The following XPO5 variants were observed in gnomAD, a reference collection of about 807,000 sequenced individuals.
XPO5 encodes the protein exportin 5, also known as exportin-5.
A neutral mutation model predicts 160.6 loss-of-function variants in XPO5; 46 were observed. The ratio of observed to expected loss-of-function variants is 0.29; its 90% CI spans 0.23 to 0.37. XPO5 has a LOEUF of 0.37. Among genes scored for constraint, XPO5 ranks in the 10% least tolerant of loss-of-function variants. The pLI is 1.00. For missense variants in XPO5, 1,090 were observed against 1,463.9 expected (o/e 0.74, Z 4.17); for synonymous variants, 537 against 519.3 (o/e 1.03, Z -0.46).
intron 27 of XPO5, 67 bp downstream of exon 27, chr6:43,526,618 C>T (rs376640716): frequency 8.9e-6 from 14 of 1,580,244 alleles, no homozygotes; most frequent in Non-Finnish European, 2.6e-6. Context: ...GGAAACTGAC[C>T]TGGTTCAGAA....
chr6:43,551,240 A>C (rs1795214510), intron 15 of XPO5, 58 bp downstream of exon 15: 2 of 1,483,610 alleles, frequency 1.3e-6, no homozygotes, highest in Non-Finnish European at 1.8e-6. Context: ...AAATAAAATA[A>C]ATAAAAATTA....
At chr6:43,524,719 G>A in intron 30 of XPO5, 84 bp from the exon 31 acceptor site, 7 of 1,586,692 alleles carry the variant, frequency 4.4e-6, no homozygotes, top group Non-Finnish European at 6.0e-6. Flanking sequence ...ATTTCTCAGA[G>A]ATTGCACCAG....
chr6:43,539,589 T>G, intron 20 of XPO5: 1 of 1,374,466 alleles, frequency 7.3e-7, no homozygotes, highest in Non-Finnish European at 1.0e-6. Flanking sequence ...GGTCCACGGC[T>G]GCGACCCCGG....
At chr6:43,549,437 A>C (rs1266861538) in intron 17 of XPO5, 52 bp downstream of exon 17, 1 of 1,525,256 alleles carries the variant, frequency 6.6e-7, no homozygotes, top group Non-Finnish European at 8.8e-7. Flanking sequence ...AGCTGGATTT[A>C]CACACAAATG....
At chr6:43,563,411 A>G (rs1035714888) in intron 8 of XPO5, among the ~76,000 whole-genome samples, 1 of 152,212 alleles carries the variant, frequency 6.6e-6, no homozygotes, top group Non-Finnish European at 1.5e-5. Context: ...TGGGGATTAC[A>G]GGCATGAGCC....
intron 26 of XPO5, chr6:43,527,075 A>G (rs1256166542): frequency 7.6e-6 from 2 of 264,112 alleles, no homozygotes; most frequent in East Asian, 1.5e-4. Context: ...AAGAAAATTA[A>G]CAGCCTCCAT....
At chr6:43,540,255 G>A (rs753996340) in intron 20 of XPO5, among the ~76,000 whole-genome samples, 63 of 152,178 alleles carry the variant, frequency 4.1e-4, no homozygotes, top group Admixed American at 3.3e-3. Flanking sequence ...CAGGCCGGGC[G>A]GATCACGAGG....
At chr6:43,574,370 C>T (rs539053542) in intron 1 of XPO5, among the ~76,000 whole-genome samples, 22 of 151,396 alleles carry the variant, frequency 1.5e-4, no homozygotes, top group African/African-American at 5.1e-4. Flanking sequence ...ATGTGGATCT[C>T]CAAGCACAGT....
At position 43,525,139 on chromosome 6, in the gene XPO5, T is replaced by C. The variant is rs1164580675; in HGVS notation, c.3142A>G (p.Thr1048Ala). The change falls in exon 29 of 32, where the codon ACC (threonine) becomes GCC (alanine). Residue 1048 changes from threonine (T) to alanine (A), a missense_variant. By Grantham distance (58) the Thr-to-Ala change is moderately conservative (BLOSUM62 0). This residue lies in a region of XPO5 where 810 missense variants were observed against 1,139.0 expected (regional missense o/e 0.71). Transcript: ENST00000265351. The stretch of plus-strand genomic sequence containing the variant: ...AGGAGAGGCCAGCAGAGCTGTGAGG[T>C]TGTCCTCTGGCAGGACAGAGTATCT... ...WKDTLSCQRT[T>A]SQLCWPLLKQ... 2.5e-6 allele frequency: 4 copies of C among 1,580,930 alleles called. No individual in the cohort carries two copies. Among genetic ancestry groups the C allele is most frequent in the Non-Finnish European group, 3.4e-6 (4 of 1,162,804 alleles).
At position 43,522,761 on chromosome 6, in the gene XPO5, C is replaced by G. The variant is rs540653050; in HGVS notation, c.*1107G>C. The G allele has an allele frequency of 2.1e-6, 1 of 479,372 alleles. No individual in the cohort carries two copies. Among genetic ancestry groups the G allele is most frequent in the East Asian group, 6.0e-5 (1 of 16,546 alleles). 29.7% of individuals were successfully genotyped at this position (479,372 alleles called of 1,614,324 possible). On this transcript the variant is annotated 3_prime_UTR_variant, in exon 32 of 32. Transcript: ENST00000265351. ...AACAGGTCTGTTTTTGTGCAGAGCA[C>G]ATGGACACACTGGTTTCTGTATGGA...
intron 20 of XPO5, among the ~76,000 whole-genome samples, chr6:43,535,636 C>G (rs754917296): frequency 7.3e-5 from 11 of 151,676 alleles, no homozygotes; most frequent in Non-Finnish European, 1.5e-4. Context: ...TGGTGAAACC[C>G]CATCTCTACT....
chr6:43,568,771 T>C (rs749369220), intron 5 of XPO5, 34 bp from the exon 6 acceptor site: 16 of 1,548,900 alleles, frequency 1.0e-5, no homozygotes, highest in Non-Finnish European at 1.4e-5. Context: ...GTGTTTTTAA[T>C]GAGCAAAAGG....
At chr6:43,547,091 CTTT>C (rs1350095976) in intron 19 of XPO5, among the ~76,000 whole-genome samples, 1 of 152,204 alleles carries the variant, frequency 6.6e-6, no homozygotes, top group Non-Finnish European at 1.5e-5. Context: ...ACTTCATCTT[CTTT>C]GAGTTGACCC....
intron 5 of XPO5, among the ~76,000 whole-genome samples, chr6:43,569,774 GAAAATAA>G (rs988999830): frequency 6.6e-6 from 1 of 150,402 alleles, no homozygotes; most frequent in African/African-American, 2.4e-5. Flanking sequence ...AAGAACTTCT[GAAAATAA>G]AATTAAGAAT....
chr6:43,539,719 A>G, intron 20 of XPO5: 2 of 637,990 alleles, frequency 3.1e-6, no homozygotes, highest in African/African-American at 1.8e-5. Context: ...GTTTTCTCGG[A>G]GAAGAAGCTA....
chr6:43,551,388 G>A lies in XPO5; in HGVS notation c.1638C>T (p.Pro546=). ...QMVLNFDTKD[P]LILSCVLTNV... is the part of the protein sequence containing the mutation. ...TAGTAAGGACGCAGGACAGGATGAG[G>A]GGATCCTTGGTATCAAAGTTCAGAA... Residue 546 remains proline, a synonymous_variant, in exon 15 of 32, where the codon CCC becomes CCT. Coordinates refer to ENST00000265351, the MANE Select transcript of XPO5 (RefSeq NM_020750.3). 6.2e-7 allele frequency: 1 copy of A among 1,613,842 alleles called. No homozygotes were observed.
At chr6:43,553,692 T>C (rs971300915) in intron 13 of XPO5, 189 bp from the exon 14 acceptor site, 10 of 1,287,950 alleles carry the variant, frequency 7.8e-6, no homozygotes, top group Non-Finnish European at 1.0e-5. Flanking sequence ...CTGAAAGCAA[T>C]GAGGTAGGTG....
intron 20 of XPO5, among the ~76,000 whole-genome samples, chr6:43,535,686 C>T (rs1225749364): frequency 3.3e-5 from 5 of 151,322 alleles, no homozygotes; most frequent in Non-Finnish European, 5.9e-5. Context: ...TGGTGGCGGG[C>T]GCCTGTAGTC....
In XPO5 at chr6:43,570,530, T is replaced by A; in HGVS notation, c.593A>T (p.Gln198Leu). ...RIFSFLLNTL[Q>L]ENVNKYQQVK... ...TTGCTGATACTTGTTTACATTTTCT[T>A]GAAGTGTGTTAAGCAGAAAACTGAA... is the stretch of plus-strand genomic sequence containing the variant. The change falls in exon 5 of 32, where the codon CAA becomes CTA. Residue 198 changes from glutamine (Q) to leucine (L), a missense_variant. Physicochemically the swap from Gln to Leu is moderately radical, Grantham distance 113. This residue lies in a region of XPO5 where 110 missense variants were observed against 97.9 expected (regional missense o/e 1.12). Transcript: ENST00000265351. 5 of 1,613,502 alleles carry A rather than the reference T, an allele frequency of 3.1e-6. No individual in the cohort carries two copies. The highest frequency in any genetic ancestry group is 4.2e-6 in the Non-Finnish European group (5 of 1,179,740).
Sources: allele counts gnomAD v4.1 joint callset (sites outside exome capture counted in the v4.1 genomes callset), GRCh38; gene constraint gnomAD v4.1.1; regional missense constraint gnomAD v4.1.1; transcripts MANE v1.5; gene names NCBI Gene and HGNC (gene_info 2026-07-23, HGNC 2026-07-21).